COG1: variants seen among roughly 807,000 people sequenced by gnomAD.
COG1 encodes the protein component of oligomeric golgi complex 1, also known as conserved oligomeric Golgi complex subunit 1.
COG1 carries 61 observed loss-of-function variants against 102.2 expected under a neutral mutation model. That is an observed-to-expected ratio of 0.60 (90% CI 0.49 to 0.74). The LOEUF is 0.74. Among genes scored for constraint, COG1 ranks in the 30% least tolerant of loss-of-function variants. The pLI is 0.00. For synonymous variants in COG1, 454 were observed against 493.6 expected (o/e 0.92, Z 1.06); for missense variants, 1,164 against 1,232.1 (o/e 0.94, Z 0.83).
In COG1 at chr17:73,206,031, G is replaced by A. The variant is rs997210529; in HGVS notation, c.2511-123G>A. 33 of 827,850 alleles carry A rather than the reference G, an allele frequency of 4.0e-5. No homozygotes were observed. The African/African-American group carries it at 4.7e-4, about 12-fold the overall frequency. 51.3% of individuals were successfully genotyped at this position (827,850 alleles called of 1,614,324 possible). On this transcript the variant is annotated intron_variant, in intron 10 of 13. Coordinates refer to ENST00000299886, the MANE Select transcript of COG1 (RefSeq NM_018714.3). ...TTAAGCACTATCATCAGTGACAAAC[G>A]TACTAAGCCAGCAACTAAGTAGAAT...
At chr17:73,206,121 T>C (rs374279537) in intron 10 of COG1, 33 bp from the exon 11 acceptor site, 16 of 1,497,146 alleles carry the variant, frequency 1.1e-5, no homozygotes, top group African/African-American at 1.4e-5. Context: ...TCCTAAAAAA[T>C]GTGGACAGTA....
intron 11 of COG1, 105 bp downstream of exon 11, chr17:73,206,367 G>C (rs989671671): frequency 3.3e-6 from 3 of 913,750 alleles, no homozygotes; most frequent in Non-Finnish European, 5.4e-6. Flanking sequence ...AGCATAGGGA[G>C]GGGAATAAGA....
In COG1 at chr17:73,207,017, C is replaced by G. The variant is rs1195234130; in HGVS notation, c.2730-164C>G. The G allele has an allele frequency of 1.3e-5, 9 of 715,710 alleles. No homozygotes were observed. In the African/African-American group the frequency reaches 1.5e-4, roughly 12 times the overall value. 44.3% of individuals were successfully genotyped at this position (715,710 alleles called of 1,614,324 possible). On this transcript the variant is annotated intron_variant, in intron 12 of 13. Transcript: ENST00000299886. ...CTGAGGCAGGAGAATGGCGTGAACC[C>G]AGGAGGCGGAGCTTGCAGTGAGCCG...
intron 1 of COG1, 149 bp from the exon 2 acceptor site, chr17:73,196,358 T>G (rs1015296616): frequency 8.5e-5 from 98 of 1,156,442 alleles, no homozygotes; most frequent in Middle Eastern, 5.4e-4. Context: ...TCTTCTACAC[T>G]GGGCTTTGAT....
intron 1 of COG1, among the ~76,000 whole-genome samples, chr17:73,195,700 G>A (rs112271214): frequency 6.6e-5 from 10 of 151,896 alleles, no homozygotes; most frequent in Non-Finnish European, 1.5e-4. Flanking sequence ...ATCACTTGAG[G>A]TCAGGAGTTT....
In COG1 at chr17:73,199,938, C is replaced by T. The variant is rs771855863; in HGVS notation, c.987C>T (p.Val329=). Residue 329 remains valine (V), a synonymous_variant, in exon 5 of 14, where the codon GTC becomes GTT. Transcript: ENST00000299886. The part of the protein sequence containing the change: ...SWFKHLPASI[V]EFQPTLRTLA... ...TTAAACACCTGCCAGCATCCATCGT[C>T]GAGTTCCAGCCAACACTCCGAACCC... is the stretch of plus-strand genomic sequence containing the variant. 1.7e-5 allele frequency: 27 copies of T among 1,614,172 alleles called. No individual in the cohort carries two copies. Among genetic ancestry groups the T allele is most frequent in the Middle Eastern group, 1.7e-4 (1 of 6,058 alleles).
At chr17:73,203,600 G>C (rs1555725436) in intron 8 of COG1, 32 bp from the exon 9 acceptor site, 1 of 1,613,734 alleles carries the variant, frequency 6.2e-7, no homozygotes, top group Non-Finnish European at 8.5e-7. Context: ...ATTGGTGCAA[G>C]TTGGCAATGT....
intron 1 of COG1, 105 bp downstream of exon 1, chr17:73,193,489 C>G: frequency 8.5e-7 from 1 of 1,178,172 alleles, no homozygotes. Flanking sequence ...CCCGCGAGTC[C>G]TCACCTTCCT....
At chr17:73,205,439 A>G (rs1334084674) in intron 9 of COG1, 114 bp from the exon 10 acceptor site, 1 of 1,130,492 alleles carries the variant, frequency 8.8e-7, no homozygotes, top group African/African-American at 1.5e-5. Flanking sequence ...GAGCATTAAA[A>G]CCATCTGCTT....
At chr17:73,205,427 A>G (rs2061364709) in intron 9 of COG1, 126 bp from the exon 10 acceptor site, 2 of 975,106 alleles carry the variant, frequency 2.1e-6, no homozygotes, top group Non-Finnish European at 3.3e-6. Flanking sequence ...AACTGGCCAT[A>G]TGAGCATTAA....
At chr17:73,193,946 A>T (rs551964107) in intron 1 of COG1, among the ~76,000 whole-genome samples, 2 of 149,854 alleles carry the variant, frequency 1.3e-5, no homozygotes, top group East Asian at 4.2e-4. Context: ...AAGTGCTGGG[A>T]TTACAGTCAT....
intron 10 of COG1, 21 bp from the exon 11 acceptor site, chr17:73,206,133 T>A (rs1441927946): frequency 6.4e-7 from 1 of 1,558,576 alleles, no homozygotes; most frequent in East Asian, 2.2e-5. Context: ...TGGACAGTAA[T>A]GATCCTAATC....
At chr17:73,194,390 C>T (rs1446403359) in intron 1 of COG1, among the ~76,000 whole-genome samples, 2 of 130,092 alleles carry the variant, frequency 1.5e-5, no homozygotes, top group Non-Finnish European at 3.3e-5. Context: ...TGCAGTGAGC[C>T]GAGATCGCGC....
In COG1 at chr17:73,201,746, A is replaced by G; in HGVS notation, c.1919A>G (p.Glu640Gly). The stretch of plus-strand genomic sequence containing the variant: ...ATCCTGGGAAAATCAGAGAGCTCAG[A>G]GAAACCAGCAAGGGAGTTTAGGGCT... ...QCILGKSESS[E>G]KPAREFRALR... Residue 640 changes from glutamate to glycine, a missense_variant, in exon 7 of 14, where the codon GAG (glutamate) becomes GGG (glycine). By Grantham distance (98) the Glu-to-Gly change is moderately conservative. Transcript: ENST00000299886. 6.2e-7 allele frequency: 1 copy of G among 1,614,216 alleles called. No homozygotes were observed. The highest frequency in any genetic ancestry group is 8.5e-7 in the Non-Finnish European group (1 of 1,180,028).
rs1213519717 is a variant in COG1, at chr17:73,193,393, C to A, written c.315+9C>A. 1.4e-6 allele frequency: 2 copies of A among 1,427,264 alleles called. No homozygotes were observed. Among genetic ancestry groups the A allele is most frequent in the South Asian group, 3.0e-5 (2 of 66,864 alleles). 88.4% of individuals were successfully genotyped at this position (1,427,264 alleles called of 1,614,324 possible). ...CACCGCGGGCCCAGCAGGTCAGTCCCCGTGCCCCCACCCTGCGACCCGCAG... is the reference window on the plus strand; with the variant it reads ...CACCGCGGGCCCAGCAGGTCAGTCCACGTGCCCCCACCCTGCGACCCGCAG... On this transcript the variant is annotated intron_variant, in intron 1 of 13. Coordinates refer to ENST00000299886, the MANE Select transcript of COG1 (RefSeq NM_018714.3).
chr17:73,207,828 G>T, intron 13 of COG1: 1 of 1,279,224 alleles, frequency 7.8e-7, no homozygotes, highest in Admixed American at 2.4e-5. Context: ...TTTATTGTTA[G>T]ACACAATATT....
At chr17:73,202,814 A>G (rs1412240132) in intron 7 of COG1, among the ~76,000 whole-genome samples, 186 bp from the exon 8 acceptor site, 2 of 152,228 alleles carry the variant, frequency 1.3e-5, no homozygotes, top group Non-Finnish European at 2.9e-5. Context: ...TTTGACATTT[A>G]TAGGGTAGTT....
chr17:73,201,361 C>T lies in COG1; in HGVS notation c.1534C>T (p.Pro512Ser), dbSNP rs1161083557. 6.2e-7 allele frequency: 1 copy of T among 1,614,166 alleles called. No individual in the cohort carries two copies. Among genetic ancestry groups the T allele is most frequent in the Non-Finnish European group, 8.5e-7 (1 of 1,180,030 alleles). The change falls in exon 7 of 14, where the codon CCT becomes TCT. Residue 512 changes from proline (P) to serine (S), a missense_variant. Coordinates refer to ENST00000299886, the MANE Select transcript of COG1 (RefSeq NM_018714.3). ...GLSMKAQAIS[P>S]CVQNFCSALD... ...CTCCATGAAAGCACAAGCCATCAGC[C>T]CTTGTGTACAGAACTTCTGTTCTGC...
At chr17:73,206,114 T>TA (rs758242841) in intron 10 of COG1, 40 bp from the exon 11 acceptor site, 1 of 1,486,988 alleles carries the variant, frequency 6.7e-7, no homozygotes, top group South Asian at 1.1e-5. Flanking sequence ...TTTTTGATCC[T>TA]AAAAAATGTG....
Sources: allele counts gnomAD v4.1 joint callset (sites outside exome capture counted in the v4.1 genomes callset), GRCh38; gene constraint gnomAD v4.1.1; transcripts MANE v1.5; gene names NCBI Gene and HGNC (gene_info 2026-07-23, HGNC 2026-07-21).